GSKIP: variants seen among roughly 807,000 people sequenced by gnomAD.
The protein encoded by GSKIP is GSK3B interacting protein.
GSKIP carries 5 observed loss-of-function variants against 11.9 expected under a neutral mutation model. The observed-to-expected ratio is 0.42, with a 90% confidence interval of 0.22 to 0.89. The LOEUF (loss-of-function observed/expected upper bound fraction) is 0.89. Among genes scored for constraint, GSKIP ranks in the 40% least tolerant of loss-of-function variants. The pLI, the probability that GSKIP is intolerant of heterozygous loss-of-function variation, is 0.29. For synonymous variants in GSKIP, 70 were observed against 62.9 expected, an observed-to-expected ratio of 1.11 and a Z score of -0.54; for missense variants, 150 against 166.6, an observed-to-expected ratio of 0.90 and a Z score of 0.55.
intron 1 of GSKIP, among the ~76,000 whole-genome samples, chr14:96,375,502 C>T (rs947632805): frequency 1.7e-4 from 25 of 150,844 alleles, no homozygotes; most frequent in Non-Finnish European, 2.2e-4. Flanking sequence ...GGCGCAATCT[C>T]GGCTCACTGC....
intron 2 of GSKIP, among the ~76,000 whole-genome samples, chr14:96,380,746 C>T (rs1324023849): frequency 6.6e-6 from 1 of 152,188 alleles, no homozygotes; most frequent in Admixed American, 6.5e-5. Context: ...CCTGTAGTCT[C>T]AACTACTCAG....
Position 96,385,607 on chromosome 14 carries a change from A to G in GSKIP, c.343A>G (p.Ser115Gly), listed in dbSNP as rs1889468837. 1 of 1,613,594 alleles carries G rather than the reference A, an allele frequency of 6.2e-7. No homozygotes were observed. Among genetic ancestry groups the G allele is most frequent in the Non-Finnish European group, 8.5e-7 (1 of 1,179,642 alleles). The change falls in exon 4 of 4, where the codon AGC becomes GGC. Residue 115 changes from serine (S) to glycine (G), a missense_variant. Physicochemically the swap from Ser to Gly is moderately conservative, Grantham distance 56 (BLOSUM62 0). Transcript: ENST00000555181. ...ETVYSLLDTLSPAYREAFGNA... is the reference protein window; with the variant it reads ...ETVYSLLDTLGPAYREAFGNA... ...AGTCTACTCCTTGTTGGATACACTC[A>G]GCCCCGCCTACCGAGAAGCATTTGG...
intron 1 of GSKIP, among the ~76,000 whole-genome samples, chr14:96,369,191 A>G (rs1016026829): frequency 2.0e-5 from 3 of 152,238 alleles, no homozygotes; most frequent in African/African-American, 7.2e-5. Flanking sequence ...ATCTGGTAGA[A>G]GAAATGTCTA....
At chr14:96,377,059 A>T (rs1413844518) in intron 1 of GSKIP, among the ~76,000 whole-genome samples, 4 of 152,108 alleles carry the variant, frequency 2.6e-5, no homozygotes, top group Non-Finnish European at 5.9e-5. Flanking sequence ...CTTAGTATAA[A>T]CTCTGCTTAT....
intron 1 of GSKIP, among the ~76,000 whole-genome samples, chr14:96,371,436 A>G (rs891900940): frequency 3.5e-5 from 5 of 144,172 alleles, no homozygotes; most frequent in African/African-American, 1.3e-4. Flanking sequence ...TAAAGCTATC[A>G]ACAATCTTTT....
chr14:96,374,757 A>G (rs2139935258), intron 1 of GSKIP, among the ~76,000 whole-genome samples: 1 of 152,322 alleles, frequency 6.6e-6, no homozygotes, highest in Non-Finnish European at 1.5e-5. Context: ...GATGAAAAGG[A>G]GACTAGTTCA....
rs201146555 is a variant in GSKIP, at chr14:96,377,787, T to C, written c.-102-1901T>C. Among the ~76,000 whole-genome samples the C allele has an allele frequency of 1.7e-4, 26 of 152,290 alleles. No individual in the cohort carries two copies. In the East Asian group the frequency reaches 4.8e-3, roughly 28 times the overall value. ...CAAACTCCTTGAGAGAGCATCTGAT[T>C]AGCTAGACCACCATCCGGAAGTAGT... On this transcript the variant is annotated intron_variant, in intron 1 of 3. Coordinates refer to ENST00000555181, the MANE Select transcript of GSKIP (RefSeq NM_016472.5).
chr14:96,368,042 C>T (rs1298604241), intron 1 of GSKIP, among the ~76,000 whole-genome samples: 1 of 150,446 alleles, frequency 6.6e-6, no homozygotes, highest in Non-Finnish European at 1.5e-5. Context: ...TACTTATTTC[C>T]TAGAGGATTA....
intron 1 of GSKIP, among the ~76,000 whole-genome samples, chr14:96,367,037 G>A (rs1285247235): frequency 1.3e-5 from 2 of 152,200 alleles, no homozygotes; most frequent in African/African-American, 4.8e-5. Flanking sequence ...CCCACATAAT[G>A]TAAAGAGCAC....
intron 1 of GSKIP, among the ~76,000 whole-genome samples, chr14:96,369,719 A>G (rs539583849): frequency 7.0e-4 from 107 of 152,180 alleles, no homozygotes; most frequent in African/African-American, 2.5e-3. Context: ...TAGATTTTAG[A>G]TTTTAGATTT....
chr14:96,364,017 T>C (rs1348051927), intron 1 of GSKIP: 1 of 152,330 alleles, frequency 6.6e-6, no homozygotes, highest in Non-Finnish European at 1.5e-5. Context: ...GGGTGTGTCA[T>C]AGCAACGATC....
At chr14:96,364,552 T>C (rs979379623) in intron 1 of GSKIP, 7 of 152,248 alleles carry the variant, frequency 4.6e-5, no homozygotes, top group African/African-American at 1.7e-4. Context: ...AAAATATTGG[T>C]AGATGGAGAA....
At chr14:96,365,988 C>T (rs930840056) in intron 1 of GSKIP, among the ~76,000 whole-genome samples, 2 of 151,950 alleles carry the variant, frequency 1.3e-5, no homozygotes, top group Non-Finnish European at 2.9e-5. Flanking sequence ...ACAGCAGAAC[C>T]AGTTAGAAGG....
At chr14:96,385,418 A>C (rs368058218) in intron 3 of GSKIP, 105 bp from the exon 4 acceptor site, 10 of 866,500 alleles carry the variant, frequency 1.2e-5, no homozygotes, top group Admixed American at 7.3e-5. Flanking sequence ...TAGGAAAAGA[A>C]ATAATTTATT....
intron 1 of GSKIP, among the ~76,000 whole-genome samples, chr14:96,377,337 T>C (rs891838319): frequency 3.3e-5 from 5 of 152,192 alleles, no homozygotes; most frequent in Non-Finnish European, 1.5e-5. Flanking sequence ...CAAAGATTTT[T>C]ACAGGATTCA....
At chr14:96,368,082 AT>A (rs199862090) in intron 1 of GSKIP, among the ~76,000 whole-genome samples, 506 of 140,238 alleles carry the variant, frequency 3.6e-3, no homozygotes, top group Middle Eastern at 3.8e-3. Context: ...AATAACTGGA[AT>A]TTTTTTTTTT....
Position 96,385,517 on chromosome 14 carries a change from T to C in GSKIP, c.259-6T>C, listed in dbSNP as rs866128147. ...TAATGAATTCACTGTTGCATTTCTC[T>C]TGTAGGTGGTAGGCTATGCTTTTGA... On this transcript the variant is annotated splice_region_variant and splice_polypyrimidine_tract_variant and intron_variant, in intron 3 of 3. Transcript: ENST00000555181. 3 of 1,603,314 alleles carry C rather than the reference T, an allele frequency of 1.9e-6. No individual in the cohort carries two copies. In the South Asian group the frequency reaches 3.3e-5, roughly 18 times the overall value.
intron 3 of GSKIP, 72 bp from the exon 4 acceptor site, chr14:96,385,451 C>A: frequency 8.2e-7 from 1 of 1,222,918 alleles, no homozygotes; most frequent in South Asian, 1.3e-5. Context: ...TGATTACTCA[C>A]ATAAACACTT....
chr14:96,379,747 TCCC>T lies in GSKIP; in HGVS notation c.-42_-40del. ...ACTTCACTGACCTGTGAGGATTCCT[TCCC>T]TTCAGGTACTGGATTCTTGATCTTT... On this transcript the variant is annotated 5_prime_UTR_variant, in exon 2 of 4. Coordinates refer to ENST00000555181, the MANE Select transcript of GSKIP (RefSeq NM_016472.5). 6.6e-6 allele frequency: 1 copy of T among 152,160 alleles called. No individual in the cohort carries two copies. Among genetic ancestry groups the T allele is most frequent in the Non-Finnish European group, 1.5e-5 (1 of 68,030 alleles). 9.4% of individuals were successfully genotyped at this position (152,160 alleles called of 1,614,324 possible). A position where few individuals can be genotyped will look rare whatever the true frequency, so the allele number is the denominator to read the frequency against.
Sources: allele counts gnomAD v4.1 joint callset (sites outside exome capture counted in the v4.1 genomes callset), GRCh38; gene constraint gnomAD v4.1.1; transcripts MANE v1.5; gene names NCBI Gene and HGNC (gene_info 2026-07-23, HGNC 2026-07-21).